Variants in PIAS1 observed in about 807,000 individuals in gnomAD.
PIAS1 encodes E3 SUMO-protein ligase PIAS1.
A neutral mutation model predicts 71.3 loss-of-function variants in PIAS1; 6 were observed. The observed-to-expected ratio is 0.08, with a 90% CI of 0.05 to 0.17. PIAS1 has a LOEUF of 0.17. Ranked by LOEUF, PIAS1 falls within the 10% of genes least tolerant of loss-of-function variation. The probability of loss-of-function intolerance (pLI) is 1.00; values close to 1 mark genes in which losing one functional copy is unlikely to be tolerated. For missense variants in PIAS1, 555 were observed against 793.6 expected, an observed-to-expected ratio of 0.70 and a Z score of 3.61; for synonymous variants, 303 against 292.9, an observed-to-expected ratio of 1.03 and a Z score of -0.35.
intron 2 of PIAS1, among the ~76,000 whole-genome samples, chr15:68,099,281 A>G (rs1231502990): frequency 7.3e-5 from 11 of 149,664 alleles, no homozygotes; most frequent in Admixed American, 6.6e-5. Flanking sequence ...TTTACTCTTC[A>G]AAGTTCCTTG....
At chr15:68,151,009 CA>C (rs1209463487) in intron 6 of PIAS1, among the ~76,000 whole-genome samples, 1 of 151,732 alleles carries the variant, frequency 6.6e-6, no homozygotes, top group African/African-American at 2.4e-5. Context: ...ATGAACTTGA[CA>C]AATAATTTTT....
chr15:68,151,683 A>AACACACAC (rs754171390), intron 6 of PIAS1, among the ~76,000 whole-genome samples: 32 of 134,860 alleles, frequency 2.4e-4, no homozygotes, highest in South Asian at 5.1e-4. Context: ...AAAAAAACAA[A>AACACACAC]ACACACACAC....
At chr15:68,072,041 G>C (rs879662899) in intron 1 of PIAS1, among the ~76,000 whole-genome samples, 3 of 151,644 alleles carry the variant, frequency 2.0e-5, no homozygotes, top group Non-Finnish European at 4.4e-5. Flanking sequence ...AAAACATTGA[G>C]GTATGTTTGC....
intron 2 of PIAS1, among the ~76,000 whole-genome samples, chr15:68,129,146 C>T (rs775405400): frequency 3.3e-5 from 5 of 152,114 alleles, no homozygotes; most frequent in African/African-American, 9.7e-5. Flanking sequence ...ACTGTAACCT[C>T]GAACTACAGG....
chr15:68,132,983 C>CTT (rs893517412), intron 2 of PIAS1, among the ~76,000 whole-genome samples: 1 of 143,036 alleles, frequency 7.0e-6, no homozygotes, highest in Admixed American at 6.9e-5. Context: ...CTTTTCTTTT[C>CTT]TTTTTTTTTT....
At chr15:68,172,303 C>T (rs906334745) in intron 8 of PIAS1, among the ~76,000 whole-genome samples, 4 of 152,172 alleles carry the variant, frequency 2.6e-5, no homozygotes, top group African/African-American at 9.7e-5. Context: ...TTTCTTAATT[C>T]AGTCTATCAT....
intron 8 of PIAS1, among the ~76,000 whole-genome samples, chr15:68,170,665 G>C (rs2092985666): frequency 6.6e-6 from 1 of 151,728 alleles, no homozygotes; most frequent in South Asian, 2.1e-4. Context: ...TTTTGAGACA[G>C]AGTCTCCCTC....
chr15:68,173,596 T>A lies in PIAS1; in HGVS notation c.1009-136T>A. On this transcript the variant is annotated intron_variant, in intron 8 of 13. Coordinates refer to ENST00000249636, the MANE Select transcript of PIAS1 (RefSeq NM_016166.3). This position sits in a 1 kb window ranked among gnomAD's most constrained non-coding sequence, Gnocchi z 4.3. ...ATTTCACAGGAAATGTGTTTAATGT[T>A]CTTCTACATTGATGAAAAGTCAACA... 1 of 467,358 alleles carries A rather than the reference T, an allele frequency of 2.1e-6. No individual in the cohort carries two copies. The highest frequency in any genetic ancestry group is 3.7e-6 in the Non-Finnish European group (1 of 268,418). The allele number at this position is 467,358 out of a possible 1,614,324, so 29.0% of individuals were successfully genotyped here. A position where few individuals can be genotyped will look rare whatever the true frequency, so the allele number is the denominator to read the frequency against.
chr15:68,153,633 C>T lies in PIAS1; in HGVS notation c.872C>T (p.Thr291Ile), dbSNP rs374400828. 23 of 1,596,998 alleles carry T rather than the reference C, an allele frequency of 1.4e-5. No homozygotes were observed. In the African/African-American group the frequency reaches 3.0e-4, roughly 20 times the overall value. The change falls in exon 7 of 14, where the codon ACA becomes ATA. Residue 291 changes from threonine (T) to isoleucine (I), a missense_variant. Coordinates refer to ENST00000249636, the MANE Select transcript of PIAS1 (RefSeq NM_016166.3). Reference protein sequence around the residue: ...AVYLVKQLSSTVLLQRLRAKG... With the variant: ...AVYLVKQLSSIVLLQRLRAKG... ...TATCTTGTAAAACAGTTGTCCTCAA[C>T]AGTTCTTCTTCAGAGGTTACGAGCA...
chr15:68,105,640 T>G (rs1451655190), intron 2 of PIAS1, among the ~76,000 whole-genome samples: 1 of 152,130 alleles, frequency 6.6e-6, no homozygotes, highest in Non-Finnish European at 1.5e-5. Flanking sequence ...CAGTTATGCT[T>G]TATAGATTAA....
intron 8 of PIAS1, among the ~76,000 whole-genome samples, chr15:68,172,356 T>C (rs1189845095): frequency 6.6e-6 from 1 of 152,240 alleles, no homozygotes; most frequent in Non-Finnish European, 1.5e-5. Context: ...CTATTGTGAA[T>C]AGTGCTGCAA....
At chr15:68,146,041 A>C in intron 5 of PIAS1, 135 bp downstream of exon 5, 1 of 629,510 alleles carries the variant, frequency 1.6e-6, no homozygotes, top group Non-Finnish European at 2.9e-6. Context: ...GACTGGGTGA[A>C]ACACTTGTAC....
chr15:68,064,261 A>G (rs1179297133), intron 1 of PIAS1, among the ~76,000 whole-genome samples: 1 of 152,198 alleles, frequency 6.6e-6, no homozygotes, highest in South Asian at 2.1e-4. Flanking sequence ...CTAATGATAA[A>G]ATTTAAGCTT....
At chr15:68,127,352 G>A (rs552013060) in intron 2 of PIAS1, among the ~76,000 whole-genome samples, 1 of 152,256 alleles carries the variant, frequency 6.6e-6, no homozygotes, top group African/African-American at 2.4e-5. Context: ...TAACTAGAGA[G>A]GATGAATGGA....
At chr15:68,126,521 C>A (rs1378169816) in intron 2 of PIAS1, among the ~76,000 whole-genome samples, 1 of 152,234 alleles carries the variant, frequency 6.6e-6, no homozygotes, top group Admixed American at 6.5e-5. Flanking sequence ...TGGCTCACTG[C>A]AACCTCCACC....
chr15:68,101,831 G>C (rs1041190248), intron 2 of PIAS1, among the ~76,000 whole-genome samples: 9 of 151,878 alleles, frequency 5.9e-5, no homozygotes, highest in African/African-American at 1.9e-4. Context: ...GCTCACTGCA[G>C]CCTTGAACTG....
chr15:68,075,321 G>A (rs1447052444), intron 1 of PIAS1, among the ~76,000 whole-genome samples: 1 of 151,898 alleles, frequency 6.6e-6, no homozygotes, highest in Non-Finnish European at 1.5e-5. Flanking sequence ...CCTGATCTCA[G>A]GTGATCCGCC....
intron 1 of PIAS1, among the ~76,000 whole-genome samples, chr15:68,079,886 A>G (rs908107705): frequency 6.6e-6 from 1 of 151,836 alleles, no homozygotes; most frequent in African/African-American, 2.4e-5. Flanking sequence ...AGGCTGGAGT[A>G]CAATGGTGCG....
Position 68,118,987 on chromosome 15 carries a change from CAA to C in PIAS1, c.470-22958_470-22957del, listed in dbSNP as rs556915221. On this transcript the variant is annotated intron_variant, in intron 2 of 13. Transcript: ENST00000249636. ...GCTTCTGCACAGCAAAGGAAACAAT[CAA>C]GAGAGCACAACAACCTACAGAATGG... 5.4e-3 allele frequency among the ~76,000 whole-genome samples: 819 copies of C among 152,050 alleles called. 8 individuals are homozygous for C. The highest frequency in any genetic ancestry group is 0.019 in the African/African-American group (784 of 41,510).
Sources: allele counts gnomAD v4.1 joint callset (sites outside exome capture counted in the v4.1 genomes callset), GRCh38; gene constraint gnomAD v4.1.1; non-coding constraint Gnocchi (gnomAD v3.1); transcripts MANE v1.5; gene names NCBI Gene and HGNC (gene_info 2026-07-23, HGNC 2026-07-21).